The following SH3TC2 variants were observed in gnomAD, a reference collection of about 807,000 sequenced individuals.
SH3TC2 encodes the protein SH3 domain and tetratricopeptide repeats 2.
A neutral mutation model predicts 124.5 loss-of-function variants in SH3TC2; 87 were observed. The ratio of observed to expected loss-of-function variants is 0.70; its 90% CI spans 0.59 to 0.84. The LOEUF (loss-of-function observed/expected upper bound fraction) is 0.84, where lower values mean the gene tolerates loss of function less well. Ranked by LOEUF, SH3TC2 falls within the 40% of genes least tolerant of loss-of-function variation. The pLI, the probability that SH3TC2 is intolerant of heterozygous loss-of-function variation, is 0.00. For synonymous variants in SH3TC2, 634 were observed against 628.5 expected (o/e 1.01, Z -0.13); for missense variants, 1,536 against 1,566.4 (o/e 0.98, Z 0.33).
intron 12 of SH3TC2, among the ~76,000 whole-genome samples, chr5:149,021,224 T>C (rs1753962993): frequency 6.6e-6 from 1 of 152,104 alleles, no homozygotes; most frequent in African/African-American, 2.4e-5. Context: ...TATTAGAAAC[T>C]ACTTTGAGAT....
chr5:149,006,963 G>A lies in SH3TC2; in HGVS notation c.3593C>T (p.Pro1198Leu), dbSNP rs917280825. 16 of 1,613,962 alleles carry A rather than the reference G, an allele frequency of 9.9e-6. No individual in the cohort carries two copies. Among genetic ancestry groups the A allele is most frequent in the Admixed American group, 1.7e-5 (1 of 59,996 alleles). The change falls in exon 16 of 17, where the codon CCA becomes CTA. Residue 1198 changes from proline (P) to leucine (L), a missense_variant. Coordinates refer to ENST00000515425, the MANE Select transcript of SH3TC2 (RefSeq NM_024577.4). Reference sequence around the variant, plus strand: ...GGCCTCCTTGGGACTCTGCAGCCATGGTGGACAGAGGGACAGGGTCTTCAG... The same window carrying A: ...GGCCTCCTTGGGACTCTGCAGCCATAGTGGACAGAGGGACAGGGTCTTCAG... The part of the protein sequence containing the change: ...CYLKTLSLCP[P>L]WLQSPKEALY...
chr5:149,038,574 G>T, intron 7 of SH3TC2, 84 bp from the exon 8 acceptor site: 1 of 1,421,250 alleles, frequency 7.0e-7, no homozygotes, highest in Non-Finnish European at 9.9e-7. Context: ...AGAAAATGAG[G>T]GGTTCCCAGA....
rs1413459934 is a variant in SH3TC2 at position 148,995,814 on chromosome 5, G to A, written c.*8897C>T. Among the ~76,000 whole-genome samples, 1 of 152,034 alleles carries A rather than the reference G, an allele frequency of 6.6e-6. No homozygotes were observed. Among genetic ancestry groups the A allele is most frequent in the Non-Finnish European group, 1.5e-5 (1 of 68,018 alleles). The stretch of plus-strand genomic sequence containing the variant: ...TCATGGAACTTCTAATCTAGGTGGT[G>A]CACATGGATTATTAAAATAAAAAAA... On this transcript the variant is annotated 3_prime_UTR_variant, in exon 17 of 17. Transcript: ENST00000515425.
chr5:149,010,716 C>T (rs923917066), intron 13 of SH3TC2, among the ~76,000 whole-genome samples: 1 of 151,816 alleles, frequency 6.6e-6, no homozygotes, highest in African/African-American at 2.4e-5. Context: ...ATCCAACCTG[C>T]AACTTTAGAT....
chr5:149,004,865 A>C lies in SH3TC2; in HGVS notation c.3713T>G (p.Leu1238Arg). 6.2e-7 allele frequency: 1 copy of C among 1,614,220 alleles called. No individual in the cohort carries two copies. Among genetic ancestry groups the C allele is most frequent in the African/African-American group, 1.3e-5 (1 of 75,046 alleles). The change falls in exon 17 of 17, where the codon CTG (leucine) becomes CGG (arginine). Residue 1238 changes from leucine (L) to arginine (R), a missense_variant. Physicochemically the swap from Leu to Arg is moderately radical, Grantham distance 102. This residue lies in a region of SH3TC2 where 426 missense variants were observed against 443.5 expected (regional missense o/e 0.96). Transcript: ENST00000515425. ...ATCACCCAGCAGGACCGCTGCTGCCAGGGCCAGAAGGAAGTACTCAGTGGC... is the reference window on the plus strand; with the variant it reads ...ATCACCCAGCAGGACCGCTGCTGCCCGGGCCAGAAGGAAGTACTCAGTGGC... ...HDATEYFLLA[L>R]AAAVLLGDEE... is the part of the protein sequence containing the mutation.
At chr5:149,010,194 C>A in intron 14 of SH3TC2, 76 bp downstream of exon 14, 1 of 1,605,864 alleles carries the variant, frequency 6.2e-7, no homozygotes, top group Admixed American at 1.7e-5. Context: ...AAGAGGGACT[C>A]AGGCCGAAGT....
Position 149,042,787 on chromosome 5 carries a change from G to T in SH3TC2, c.436C>A (p.Leu146Ile). The T allele has an allele frequency of 6.2e-7, 1 of 1,614,080 alleles. No individual in the cohort carries two copies. The highest frequency in any genetic ancestry group is 8.5e-7 in the Non-Finnish European group (1 of 1,180,002). Residue 146 changes from leucine to isoleucine, a missense_variant, in exon 5 of 17, where the codon CTC becomes ATC. This residue lies in a region of SH3TC2 where 1,102 missense variants were observed against 1,098.6 expected (regional missense o/e 1.00). Transcript: ENST00000515425. ...EHLLFDHKYW[L>I]NCILVEDTEI... ...GTATCCTCCACCAATATGCAGTTGAGCCAGTACTTGTGGTCAAAGAGGAGA... is the reference window on the plus strand; with the variant it reads ...GTATCCTCCACCAATATGCAGTTGATCCAGTACTTGTGGTCAAAGAGGAGA...
chr5:149,009,966 G>A (rs1448487552), intron 14 of SH3TC2, among the ~76,000 whole-genome samples: 1 of 152,158 alleles, frequency 6.6e-6, no homozygotes, highest in African/African-American at 2.4e-5. Flanking sequence ...AAAGTGTGCT[G>A]CAGACCATAA....
At chr5:149,006,744 A>T in intron 16 of SH3TC2, 137 bp downstream of exon 16, 1 of 897,240 alleles carries the variant, frequency 1.1e-6, no homozygotes, top group Non-Finnish European at 1.9e-6. Flanking sequence ...GCCACTCCTC[A>T]CCCTATGAGA....
chr5:149,011,184 G>T (rs1047237449), intron 13 of SH3TC2, among the ~76,000 whole-genome samples: 1 of 152,234 alleles, frequency 6.6e-6, no homozygotes, highest in Non-Finnish European at 1.5e-5. Context: ...CATCAGTTAG[G>T]TGGCAGCCTG....
Position 149,004,615 on chromosome 5 carries a change from G to A in SH3TC2, c.*96C>T. The A allele has an allele frequency of 2.2e-6, 3 of 1,336,460 alleles. No individual in the cohort carries two copies. The highest frequency in any genetic ancestry group is 2.1e-6 in the Non-Finnish European group (2 of 972,228). The allele number at this position is 1,336,460 out of a possible 1,614,324, so 82.8% of individuals were successfully genotyped here. A position where few individuals can be genotyped will look rare whatever the true frequency, so the allele number is the denominator to read the frequency against. On this transcript the variant is annotated 3_prime_UTR_variant, in exon 17 of 17. Coordinates refer to ENST00000515425, the MANE Select transcript of SH3TC2 (RefSeq NM_024577.4). ...TTGTGAAATGAGGGGGCTAGGCCAG[G>A]TAAGGACTCGGACCCTCCCAATGAG...
At chr5:149,055,306 T>C (rs1479150100) in intron 1 of SH3TC2, among the ~76,000 whole-genome samples, 2 of 152,016 alleles carry the variant, frequency 1.3e-5, no homozygotes, top group South Asian at 4.1e-4. Flanking sequence ...ATAGAATATA[T>C]AAGGAATGCC....
chr5:148,998,137 A>G lies in SH3TC2; in HGVS notation c.*6574T>C, dbSNP rs918157975. Among the ~76,000 whole-genome samples the G allele has an allele frequency of 1.3e-5, 2 of 152,164 alleles. No individual in the cohort carries two copies. The highest frequency in any genetic ancestry group is 2.4e-5 in the African/African-American group (1 of 41,396). On this transcript the variant is annotated 3_prime_UTR_variant, in exon 17 of 17. Transcript: ENST00000515425. ...GAATAGAATGTTTTTAAAAATGAATAGAACAAAACAGAATGTATGAGTGCA... is the reference window on the plus strand; with the variant it reads ...GAATAGAATGTTTTTAAAAATGAATGGAACAAAACAGAATGTATGAGTGCA...
chr5:149,005,173 T>C (rs1753666156), intron 16 of SH3TC2, among the ~76,000 whole-genome samples: 1 of 152,174 alleles, frequency 6.6e-6, no homozygotes, highest in African/African-American at 2.4e-5. Context: ...ATCATTGCCC[T>C]GGGCACAGTG....
intron 1 of SH3TC2, among the ~76,000 whole-genome samples, chr5:149,060,146 ATCT>A (rs1754720636): frequency 2.0e-5 from 3 of 152,242 alleles, no homozygotes; most frequent in African/African-American, 7.2e-5. Context: ...TCTCTTCCAC[ATCT>A]TCTATTTAAG....
chr5:149,062,845 G>C lies in SH3TC2; in HGVS notation c.52+126C>G, dbSNP rs1240915007. ...CTTACCCAGGGAGGAAGGAGAGGCA[G>C]CCAGAAAGCACAATCATCTCCCCAT... is the stretch of plus-strand genomic sequence containing the variant. On this transcript the variant is annotated intron_variant, in intron 1 of 16. Transcript: ENST00000515425. The C allele has an allele frequency of 8.8e-6, 8 of 906,202 alleles. No homozygotes were observed. In the African/African-American group the frequency reaches 1.3e-4, roughly 15 times the overall value. 56.1% of individuals were successfully genotyped at this position (906,202 alleles called of 1,614,324 possible). A position where few individuals can be genotyped will look rare whatever the true frequency, so the allele number is the denominator to read the frequency against.
rs1754744915 is a variant in SH3TC2 at position 149,061,408 on chromosome 5, A to G, written c.52+1563T>C. 2.0e-5 allele frequency among the ~76,000 whole-genome samples: 3 copies of G among 152,278 alleles called. No homozygotes were observed. In the South Asian group the frequency reaches 6.2e-4, roughly 32 times the overall value. ...ACCCTAAAATTGTATATATGATTAA[A>G]TGGAGGCCCAGGGAGAGCGCGAGTT... is the stretch of plus-strand genomic sequence containing the variant. On this transcript the variant is annotated intron_variant, in intron 1 of 16. Coordinates refer to ENST00000515425, the MANE Select transcript of SH3TC2 (RefSeq NM_024577.4).
chr5:149,047,958 GC>G lies in SH3TC2; in HGVS notation c.182del (p.Arg61ProfsTer6). 6.2e-7 allele frequency: 1 copy of G among 1,614,144 alleles called. No homozygotes were observed. Among genetic ancestry groups the G allele is most frequent in the Non-Finnish European group, 8.5e-7 (1 of 1,180,000 alleles). On this transcript the variant is annotated frameshift_variant, in exon 3 of 17. Transcript: ENST00000515425. LOFTEE classifies it high-confidence loss of function. Reference sequence around the variant, plus strand: ...GGGGTCCATTTACACACCTCCTGGAGCGGCTCTTTACACAGAAGGAGAGTGT... The same window carrying G: ...GGGGTCCATTTACACACCTCCTGGAGGGCTCTTTACACAGAAGGAGAGTGT... The part of the protein sequence containing the change: ...DLTLSFCVKS[R>X]SRRCVNGPLQ...
At chr5:149,010,995 G>A (rs775232677) in intron 13 of SH3TC2, among the ~76,000 whole-genome samples, 22 of 152,214 alleles carry the variant, frequency 1.4e-4, no homozygotes, top group Non-Finnish European at 2.2e-4. Flanking sequence ...TTCCATCCCA[G>A]TACCCTAACC....
Sources: allele counts gnomAD v4.1 joint callset (sites outside exome capture counted in the v4.1 genomes callset), GRCh38; gene constraint gnomAD v4.1.1; regional missense constraint gnomAD v4.1.1; transcripts MANE v1.5; gene names NCBI Gene and HGNC (gene_info 2026-07-23, HGNC 2026-07-21).